The following KCND2 variants were observed in gnomAD, a reference collection of about 807,000 sequenced individuals.
KCND2 encodes the protein A-type voltage-gated potassium channel KCND2.
In KCND2, 16 loss-of-function variants were observed where a neutral mutation model predicts 54.4. The ratio of observed to expected loss-of-function variants is 0.29; its 90% CI spans 0.20 to 0.45. KCND2 has a LOEUF of 0.45. KCND2 is among the 20% of genes least tolerant of loss of function. The probability of loss-of-function intolerance (pLI) is 1.00; values close to 1 mark genes in which losing one functional copy is unlikely to be tolerated. For missense variants in KCND2, 486 were observed against 824.2 expected (o/e 0.59, Z 5.02); for synonymous variants, 317 against 310.7 (o/e 1.02, Z -0.21).
intron 1 of KCND2, among the ~76,000 whole-genome samples, chr7:120,310,671 C>T (rs571129200): frequency 3.3e-5 from 5 of 152,074 alleles, no homozygotes; most frequent in Admixed American, 6.6e-5. Context: ...TGGTGGCTCA[C>T]GTGGTGGCTC....
At chr7:120,714,318 A>AT (rs975285521) in intron 1 of KCND2, among the ~76,000 whole-genome samples, 2 of 152,090 alleles carry the variant, frequency 1.3e-5, no homozygotes, top group Non-Finnish European at 1.5e-5. Flanking sequence ...TTGACAAAAA[A>AT]AAATAAATTA....
At chr7:120,381,583 ATAAAT>A (rs1472831012) in intron 1 of KCND2, among the ~76,000 whole-genome samples, 2 of 152,144 alleles carry the variant, frequency 1.3e-5, no homozygotes, top group Non-Finnish European at 2.9e-5. Flanking sequence ...ACAAATAAAA[ATAAAT>A]TAATGGGGTA....
intron 1 of KCND2, among the ~76,000 whole-genome samples, chr7:120,721,400 A>C (rs1298912038): frequency 5.3e-5 from 8 of 152,194 alleles, no homozygotes; most frequent in Admixed American, 2.6e-4. Flanking sequence ...TCCAAACACA[A>C]ATCCATAAAG....
In KCND2 at chr7:120,704,422, T is replaced by C. The variant is rs143717041; in HGVS notation, c.1116-28481T>C. The stretch of plus-strand genomic sequence containing the variant: ...AAAATACAGAAATGATTCTTAAATC[T>C]TAAAGCTCTGGTCATCTGAGTTGTT... On this transcript the variant is annotated intron_variant, in intron 1 of 5. Transcript: ENST00000331113. Among the ~76,000 whole-genome samples, 427 of 152,294 alleles carry C rather than the reference T, an allele frequency of 2.8e-3. 3 individuals carry two copies. Among genetic ancestry groups the C allele is most frequent in the Admixed American group, 5.6e-3 (85 of 15,292 alleles).
At chr7:120,556,078 A>T (rs571762430) in intron 1 of KCND2, among the ~76,000 whole-genome samples, 1 of 152,324 alleles carries the variant, frequency 6.6e-6, no homozygotes, top group East Asian at 1.9e-4. Flanking sequence ...GTTATTGGAG[A>T]GTACTGATTA....
intron 1 of KCND2, among the ~76,000 whole-genome samples, chr7:120,628,397 T>C (rs778307273): frequency 3.3e-5 from 5 of 152,178 alleles, no homozygotes; most frequent in Non-Finnish European, 5.9e-5. Context: ...CAAATCAGTG[T>C]TTCACAGTCC....
chr7:120,279,098 A>G (rs1359889397), intron 1 of KCND2, among the ~76,000 whole-genome samples: 1 of 151,968 alleles, frequency 6.6e-6, no homozygotes, highest in Non-Finnish European at 1.5e-5. Flanking sequence ...GTTATTTTTC[A>G]TTTAGATTGT....
intron 1 of KCND2, among the ~76,000 whole-genome samples, chr7:120,507,333 G>T (rs1165412664): frequency 6.6e-6 from 1 of 151,784 alleles, no homozygotes; most frequent in Non-Finnish European, 1.5e-5. Context: ...TAACCTATGT[G>T]GCAGAGACTT....
At chr7:120,727,851 G>A (rs966732922) in intron 1 of KCND2, among the ~76,000 whole-genome samples, 1 of 151,876 alleles carries the variant, frequency 6.6e-6, no homozygotes, top group African/African-American at 2.4e-5. Context: ...AAAGAGTATG[G>A]GGGGCCGGGC....
At chr7:120,344,162 G>A (rs1748898455) in intron 1 of KCND2, among the ~76,000 whole-genome samples, 2 of 152,108 alleles carry the variant, frequency 1.3e-5, no homozygotes, top group Admixed American at 6.6e-5. Flanking sequence ...ATCTGGACTA[G>A]ATTCTTATTA....
intron 1 of KCND2, among the ~76,000 whole-genome samples, chr7:120,294,686 A>G (rs1351370440): frequency 6.6e-6 from 1 of 151,914 alleles, no homozygotes; most frequent in Non-Finnish European, 1.5e-5. Flanking sequence ...TCCTACAATG[A>G]AAGAATTTTT....
intron 1 of KCND2, among the ~76,000 whole-genome samples, chr7:120,599,393 T>C (rs1471882109): frequency 1.3e-5 from 2 of 152,082 alleles, no homozygotes; most frequent in Non-Finnish European, 2.9e-5. Flanking sequence ...TTTTCTAGTA[T>C]TGTATTAAAT....
intron 1 of KCND2, among the ~76,000 whole-genome samples, chr7:120,442,685 AC>A (rs1470585032): frequency 6.6e-6 from 1 of 152,196 alleles, no homozygotes; most frequent in African/African-American, 2.4e-5. Flanking sequence ...TCACACAAAA[AC>A]ATTTTCCAGA....
At chr7:120,537,747 G>A (rs1791929932) in intron 1 of KCND2, among the ~76,000 whole-genome samples, 1 of 152,130 alleles carries the variant, frequency 6.6e-6, no homozygotes, top group Admixed American at 6.5e-5. Context: ...GAACCAACCT[G>A]TGCTAGCTTC....
At chr7:120,452,366 G>A (rs368883243) in intron 1 of KCND2, among the ~76,000 whole-genome samples, 11 of 152,232 alleles carry the variant, frequency 7.2e-5, no homozygotes, top group African/African-American at 9.6e-5. Context: ...ACTTACACTC[G>A]GAGCCAAGAT....
At chr7:120,572,214 T>C (rs2116427930) in intron 1 of KCND2, among the ~76,000 whole-genome samples, 1 of 152,080 alleles carries the variant, frequency 6.6e-6, no homozygotes, top group African/African-American at 2.4e-5. Flanking sequence ...ATACAGCCCA[T>C]TGATTATTTA....
intron 1 of KCND2, among the ~76,000 whole-genome samples, chr7:120,490,967 AATGG>A (rs1195990736): frequency 1.3e-5 from 2 of 152,094 alleles, no homozygotes; most frequent in Non-Finnish European, 2.9e-5. Context: ...CAAACCAAAA[AATGG>A]GATTTAGTGA....
chr7:120,717,769 A>T (rs924167511), intron 1 of KCND2, among the ~76,000 whole-genome samples: 6 of 151,994 alleles, frequency 3.9e-5, no homozygotes, highest in Non-Finnish European at 8.8e-5. Context: ...TTCAGTTCAA[A>T]TCTTGCCTCC....
chr7:120,745,964 G>T lies in KCND2; in HGVS notation c.1652G>T (p.Gly551Val), dbSNP rs1216481628. The stretch of plus-strand genomic sequence containing the variant: ...GCCAATGTATCAGGAAGCCATCAAG[G>T]TAGTATACAAGAACTCAGCACGATT... ...PNANVSGSHQ[G>V]SIQELSTIQI... Residue 551 changes from glycine (G) to valine (V), a missense_variant, in exon 5 of 6, where the codon GGT (glycine) becomes GTT (valine). This residue lies in a region of KCND2 where 202 missense variants were observed against 252.7 expected (regional missense o/e 0.80). Coordinates refer to ENST00000331113, the MANE Select transcript of KCND2 (RefSeq NM_012281.3). The T allele has an allele frequency of 1.1e-5, 18 of 1,613,664 alleles. No individual in the cohort carries two copies. The highest frequency in any genetic ancestry group is 1.4e-5 in the Non-Finnish European group (17 of 1,179,796).
Sources: gnomAD v4.1 joint callset for allele counts (sites outside exome capture counted in the v4.1 genomes callset) on GRCh38, gnomAD v4.1.1 for gene constraint, gnomAD v4.1.1 regional missense constraint, MANE v1.5 for transcripts, NCBI Gene and HGNC (gene_info 2026-07-23, HGNC 2026-07-21) for gene names.